The following KHDRBS2 variants were observed in gnomAD, a reference collection of about 807,000 sequenced individuals.
KHDRBS2 encodes KH domain-containing, RNA-binding, signal transduction-associated protein 2.
In KHDRBS2, 26 loss-of-function variants were observed where a neutral mutation model predicts 44.3. The observed-to-expected ratio is 0.59, with a 90% confidence interval of 0.43 to 0.81. KHDRBS2 has a LOEUF of 0.81. KHDRBS2 is among the 40% of genes least tolerant of loss of function. KHDRBS2 has a pLI of 0.00. For synonymous variants in KHDRBS2, 194 were observed against 151.1 expected, an observed-to-expected ratio of 1.28 and a Z score of -2.08; for missense variants, 476 against 433.1, an observed-to-expected ratio of 1.10 and a Z score of -0.88.
At chr6:62,006,069 A>C (rs1273383559) in intron 3 of KHDRBS2, among the ~76,000 whole-genome samples, 1 of 152,020 alleles carries the variant, frequency 6.6e-6, no homozygotes, top group Non-Finnish European at 1.5e-5. Flanking sequence ...AAAATATTCT[A>C]TGGGCTGAGA....
At chr6:61,950,625 T>C (rs1177260217) in intron 4 of KHDRBS2, among the ~76,000 whole-genome samples, 2 of 152,068 alleles carry the variant, frequency 1.3e-5, no homozygotes, top group Non-Finnish European at 2.9e-5. Context: ...GAAGTTATTG[T>C]CTTCCCTGGA....
At chr6:62,072,950 A>G (rs533321107) in intron 2 of KHDRBS2, among the ~76,000 whole-genome samples, 97 of 152,074 alleles carry the variant, frequency 6.4e-4, no homozygotes, top group African/African-American at 2.2e-3. Context: ...GGTAGAATTC[A>G]GCTGTGAATC....
chr6:62,121,617 C>G (rs1463467051), intron 2 of KHDRBS2, among the ~76,000 whole-genome samples: 1 of 152,222 alleles, frequency 6.6e-6, no homozygotes, highest in African/African-American at 2.4e-5. Context: ...GCTGGCAAGG[C>G]CAGCAATATA....
intron 6 of KHDRBS2, among the ~76,000 whole-genome samples, chr6:61,774,286 T>A (rs1781545199): frequency 6.6e-6 from 1 of 152,188 alleles, no homozygotes; most frequent in Non-Finnish European, 1.5e-5. Flanking sequence ...GCATGGAATG[T>A]TCTTCCATCT....
downstream of KHDRBS2, among the ~76,000 whole-genome samples, chr6:61,679,647 A>C (rs147100450): frequency 6.6e-6 from 1 of 152,106 alleles, no homozygotes; most frequent in East Asian, 1.9e-4. Flanking sequence ...TTACAAATAA[A>C]GTTTTTGAGG....
intron 7 of KHDRBS2, among the ~76,000 whole-genome samples, chr6:61,706,954 A>C (rs12526799): frequency 2.0e-5 from 3 of 146,478 alleles, no homozygotes; most frequent in Admixed American, 6.8e-5. Flanking sequence ...AAACAAAAAC[A>C]AAAACAAAAC....
chr6:61,916,435 A>G (rs532047129), intron 4 of KHDRBS2, among the ~76,000 whole-genome samples: 2 of 151,390 alleles, frequency 1.3e-5, no homozygotes, highest in South Asian at 4.2e-4. Context: ...ATATATATAT[A>G]TGTCACTATT....
chr6:61,635,311 TG>T, the KHDRBS2 span, among the ~76,000 whole-genome samples: 1 of 151,962 alleles, frequency 6.6e-6, no homozygotes, highest in Non-Finnish European at 1.5e-5. Context: ...TGGGCAAGAA[TG>T]GGAGAAGACG....
At chr6:61,854,392 A>G (rs1161616248) in intron 6 of KHDRBS2, among the ~76,000 whole-genome samples, 2 of 152,158 alleles carry the variant, frequency 1.3e-5, no homozygotes, top group Non-Finnish European at 2.9e-5. Context: ...AAATGTATAT[A>G]TACTCAGCTT....
chr6:61,775,321 G>GTATT (rs1036874126), intron 6 of KHDRBS2, among the ~76,000 whole-genome samples: 5 of 151,992 alleles, frequency 3.3e-5, no homozygotes, highest in African/African-American at 9.7e-5. Context: ...GAAATAAAGG[G>GTATT]TATTCAATTA....
chr6:61,784,912 G>A (rs1216470304), intron 6 of KHDRBS2, among the ~76,000 whole-genome samples: 1 of 152,074 alleles, frequency 6.6e-6, no homozygotes. Flanking sequence ...ACTTTGGGAA[G>A]CCAAGGTGAG....
chr6:61,956,559 TCACAGAA>T (rs1767374991), intron 4 of KHDRBS2, among the ~76,000 whole-genome samples: 1 of 152,012 alleles, frequency 6.6e-6, no homozygotes, highest in Admixed American at 6.6e-5. Flanking sequence ...AGGAAACAAA[TCACAGAA>T]CACCACCAAT....
chr6:62,150,300 T>TG (rs1482866072), intron 2 of KHDRBS2, among the ~76,000 whole-genome samples: 2 of 108,088 alleles, frequency 1.9e-5, no homozygotes, highest in Non-Finnish European at 4.2e-5. Flanking sequence ...TAAGAGATTG[T>TG]GGAAAAAAAA....
chr6:61,544,824 A>G, the KHDRBS2 span, among the ~76,000 whole-genome samples: 2 of 152,090 alleles, frequency 1.3e-5, no homozygotes, highest in Admixed American at 6.6e-5. Context: ...GCAAACTATC[A>G]CAAGGACAAA....
chr6:61,847,317 A>G (rs1794561881), intron 6 of KHDRBS2, among the ~76,000 whole-genome samples: 1 of 152,158 alleles, frequency 6.6e-6, no homozygotes, highest in Non-Finnish European at 1.5e-5. Context: ...ATGTCCAAAA[A>G]TCCTTTTGAA....
the KHDRBS2 span, among the ~76,000 whole-genome samples, chr6:61,589,930 C>T: frequency 1.3e-5 from 2 of 152,052 alleles, no homozygotes; most frequent in African/African-American, 2.4e-5. Flanking sequence ...TTTTCAAATT[C>T]CCAAATGATC....
the KHDRBS2 span, among the ~76,000 whole-genome samples, chr6:61,665,156 T>C: frequency 2.6e-5 from 4 of 151,562 alleles, no homozygotes; most frequent in African/African-American, 9.7e-5. Context: ...AAAATAAATA[T>C]AGTATGTTTC....
At chr6:61,547,462 C>A in the KHDRBS2 span, among the ~76,000 whole-genome samples, 4 of 152,030 alleles carry the variant, frequency 2.6e-5, no homozygotes, top group African/African-American at 9.7e-5. Flanking sequence ...AGATATGTAA[C>A]TAAATTTGAT....
chr6:61,750,712 C>G (rs1777545254), intron 6 of KHDRBS2, among the ~76,000 whole-genome samples: 1 of 149,248 alleles, frequency 6.7e-6, no homozygotes, highest in Non-Finnish European at 1.5e-5. Context: ...GCTTATTTAC[C>G]AGGGAGTAAC....
Sources: gnomAD v4.1 joint callset for allele counts (sites outside exome capture counted in the v4.1 genomes callset) on GRCh38, gnomAD v4.1.1 for gene constraint, MANE v1.5 for transcripts, NCBI Gene and HGNC (gene_info 2026-07-23, HGNC 2026-07-21) for gene names.